Variants in NHS observed in about 807,000 individuals in gnomAD.
NHS encodes NHS actin remodeling regulator.
A neutral mutation model predicts 72.5 loss-of-function variants in NHS; 5 were observed. The ratio of observed to expected loss-of-function variants is 0.07; its 90% CI spans 0.04 to 0.14. The LOEUF is 0.14. Ranked by LOEUF, NHS falls within the 10% of genes least tolerant of loss-of-function variation. NHS has a pLI of 1.00. For missense variants in NHS, 1,072 were observed against 1,355.7 expected, an observed-to-expected ratio of 0.79 and a Z score of 3.29; for synonymous variants, 464 against 547.7, an observed-to-expected ratio of 0.85 and a Z score of 2.13.
At chrX:17,473,726 A>G (rs2064901591) in intron 1 of NHS, among the ~76,000 whole-genome samples, 1 of 111,788 alleles carries the variant, frequency 8.9e-6, no homozygotes, top group Non-Finnish European at 1.9e-5. Flanking sequence ...AATGTAAAAT[A>G]TCTCGTTAGT....
chrX:17,679,863 G>C (rs777074629), intron 1 of NHS, among the ~76,000 whole-genome samples: 1,391 of 104,271 alleles, frequency 0.013, 27 homozygotes, highest in African/African-American at 0.045. Flanking sequence ...GAAGAAAGGG[G>C]GGGGGGGTGT....
intron 1 of NHS, among the ~76,000 whole-genome samples, chrX:17,656,185 G>A (rs981736370): frequency 8.8e-6 from 1 of 113,152 alleles, no homozygotes; most frequent in Non-Finnish European, 1.9e-5. Context: ...CCGGCGCGGG[G>A]CCCGGCGGCG....
At chrX:17,387,141 C>T (rs2064415049) in intron 1 of NHS, among the ~76,000 whole-genome samples, 1 of 112,137 alleles carries the variant, frequency 8.9e-6, no homozygotes, top group Admixed American at 9.5e-5. Flanking sequence ...ATCATTGTTG[C>T]AGCAGCCACA....
intron 1 of NHS, among the ~76,000 whole-genome samples, chrX:17,606,608 C>T (rs2065680526): frequency 8.9e-6 from 1 of 112,311 alleles, no homozygotes; most frequent in Admixed American, 9.4e-5. Flanking sequence ...AAAAGGATTT[C>T]TATTCCCAGT....
intron 1 of NHS, among the ~76,000 whole-genome samples, chrX:17,628,920 G>A (rs1252757346): frequency 8.9e-6 from 1 of 112,974 alleles, no homozygotes; most frequent in African/African-American, 3.2e-5. Flanking sequence ...ATACATATTT[G>A]CTGAATGAAT....
chrX:17,545,114 A>G (rs2065285568), intron 1 of NHS, among the ~76,000 whole-genome samples: 1 of 111,789 alleles, frequency 8.9e-6, no homozygotes, highest in South Asian at 3.8e-4. Context: ...CAGGTGTTGA[A>G]ATGAGCTTGT....
At chrX:17,392,523 G>C (rs909848426) in intron 1 of NHS, among the ~76,000 whole-genome samples, 4 of 111,911 alleles carry the variant, frequency 3.6e-5, no homozygotes, top group African/African-American at 9.8e-5. Flanking sequence ...TTTTTTGAGA[G>C]ATACAGAATT....
At position 17,480,653 on chromosome X, in the gene NHS, A is replaced by G. The variant is rs1359685061; in HGVS notation, c.565+104331A>G. On this transcript the variant is annotated intron_variant, in intron 1 of 8. Coordinates refer to ENST00000676302, the MANE Select transcript of NHS (RefSeq NM_001291867.2). ...AACTCAAGGTGGATTAAAGACTGGA[A>G]TGTAAGCCCTAAAACCATGACGTTT... Among the ~76,000 whole-genome samples, 4 of 112,039 alleles carry G rather than the reference A, an allele frequency of 3.6e-5. No individual in the cohort carries two copies. The Admixed American group carries it at 3.8e-4, about 11-fold the overall frequency.
At chrX:17,512,075 C>T (rs1163475903) in intron 1 of NHS, among the ~76,000 whole-genome samples, 1 of 111,954 alleles carries the variant, frequency 8.9e-6, no homozygotes, top group East Asian at 2.8e-4. Context: ...TATAGGCTGC[C>T]TTTCCTTCCT....
At chrX:17,410,823 T>C (rs1419526530) in intron 1 of NHS, among the ~76,000 whole-genome samples, 1 of 111,614 alleles carries the variant, frequency 9.0e-6, no homozygotes, top group African/African-American at 3.3e-5. Context: ...TATTATTTAG[T>C]CAAAGGAAAC....
At chrX:17,729,683 T>A (rs979867602) in intron 8 of NHS, among the ~76,000 whole-genome samples, 2 of 111,863 alleles carry the variant, frequency 1.8e-5, no homozygotes, top group African/African-American at 6.5e-5. Context: ...TTATAGCTAA[T>A]GACCAAAGAA....
Position 17,712,253 on chromosome X carries a change from GTATATATATATATATATATATATA to G in NHS, c.853-7076_853-7053del, listed in dbSNP as rs1216194040. 3.4e-4 allele frequency among the ~76,000 whole-genome samples: 17 copies of G among 50,142 alleles called. 1 individual carries two copies. Among genetic ancestry groups the G allele is most frequent in the East Asian group, 1.9e-3 (2 of 1,073 alleles). The allele number at this position is 50,142 out of a possible 115,157, so 43.5% of individuals were successfully genotyped here. ...ATGCTTATTGGCCTTTTGTGTGTGT[GTATATATATATATATATATATATA>G]TATATATATATATACACACACACAC... On this transcript the variant is annotated intron_variant, in intron 3 of 8. Coordinates refer to ENST00000676302, the MANE Select transcript of NHS (RefSeq NM_001291867.2).
chrX:17,529,639 C>T (rs2065189602), intron 1 of NHS, among the ~76,000 whole-genome samples: 1 of 111,824 alleles, frequency 8.9e-6, no homozygotes, highest in Non-Finnish European at 1.9e-5. Context: ...TGAGACCGTA[C>T]TGCCCAGAGT....
intron 1 of NHS, among the ~76,000 whole-genome samples, chrX:17,575,111 C>T (rs1363150167): frequency 8.9e-6 from 1 of 112,771 alleles, no homozygotes; most frequent in East Asian, 2.8e-4. Context: ...TGCCTCCTTC[C>T]TGGCCTCCCT....
chrX:17,724,064 T>C (rs1418267191), intron 5 of NHS, among the ~76,000 whole-genome samples: 1 of 112,058 alleles, frequency 8.9e-6, no homozygotes, highest in Admixed American at 9.5e-5. Flanking sequence ...TGATTTTTCT[T>C]CTTTGCTTGT....
intron 1 of NHS, among the ~76,000 whole-genome samples, chrX:17,526,243 GT>G (rs986833610): frequency 4.4e-5 from 5 of 112,717 alleles, no homozygotes; most frequent in African/African-American, 1.6e-4. Context: ...CTCAGTGGTT[GT>G]TCCAGTCTGG....
intron 1 of NHS, among the ~76,000 whole-genome samples, chrX:17,476,979 A>T (rs774560180): frequency 8.9e-6 from 1 of 112,209 alleles, no homozygotes; most frequent in South Asian, 3.7e-4. Context: ...TCATGCATCC[A>T]TTTATCCACT....
chrX:17,711,922 T>C (rs1401908642), intron 3 of NHS, among the ~76,000 whole-genome samples: 1 of 110,861 alleles, frequency 9.0e-6, no homozygotes, highest in Non-Finnish European at 1.9e-5. Flanking sequence ...ATAAAGCTGC[T>C]ATAAACTTTA....
At chrX:17,491,479 C>T (rs915987902) in intron 1 of NHS, among the ~76,000 whole-genome samples, 11 of 111,428 alleles carry the variant, frequency 9.9e-5, no homozygotes, top group African/African-American at 1.6e-4. Context: ...CTAACTTGAT[C>T]GTGGTGGATA....
Sources: gnomAD v4.1 joint callset for allele counts (sites outside exome capture counted in the v4.1 genomes callset) on GRCh38, gnomAD v4.1.1 for gene constraint, MANE v1.5 for transcripts, NCBI Gene and HGNC (gene_info 2026-07-23, HGNC 2026-07-21) for gene names.